The following PRKG2 variants were observed in gnomAD, a reference collection of about 807,000 sequenced individuals.
The protein encoded by PRKG2 is protein kinase cGMP-dependent 2.
Under a neutral mutation model 97.2 loss-of-function variants are expected in PRKG2, and 33 were observed. The ratio of observed to expected loss-of-function variants is 0.34; its 90% CI spans 0.26 to 0.45. The LOEUF (loss-of-function observed/expected upper bound fraction) is 0.45. PRKG2 is among the 20% of genes least tolerant of loss of function. The probability of loss-of-function intolerance (pLI) is 1.00; values close to 1 mark genes in which losing one functional copy is unlikely to be tolerated. For missense variants in PRKG2, 638 were observed against 900.0 expected (o/e 0.71, Z 3.73); for synonymous variants, 330 against 321.8 (o/e 1.03, Z -0.27).
At chr4:81,152,786 G>A (rs938876335) in intron 7 of PRKG2, among the ~76,000 whole-genome samples, 10 of 152,140 alleles carry the variant, frequency 6.6e-5, no homozygotes, top group African/African-American at 1.9e-4. Context: ...AAAGTATGGG[G>A]TCTAGGTTGG....
chr4:81,146,121 G>C (rs1046836198), intron 9 of PRKG2, among the ~76,000 whole-genome samples: 3 of 152,046 alleles, frequency 2.0e-5, no homozygotes, highest in Non-Finnish European at 2.9e-5. Flanking sequence ...CTGTTAAAAA[G>C]GAAACACTCT....
At chr4:81,165,467 G>GT (rs1749899902) in intron 6 of PRKG2, among the ~76,000 whole-genome samples, 1 of 152,128 alleles carries the variant, frequency 6.6e-6, no homozygotes, top group African/African-American at 2.4e-5. Context: ...AAATGATGCA[G>GT]TAGTGATTGG....
chr4:81,092,508 GGAAGGGAGAA>G, intron 17 of PRKG2, 56 bp from the exon 18 acceptor site: 4 of 1,045,342 alleles, frequency 3.8e-6, no homozygotes, highest in Non-Finnish European at 5.8e-6. Context: ...AAGGAAGGAA[GGAAGGGAGAA>G]AGAAAGAGAC....
rs139240433 is a variant in PRKG2, at chr4:81,128,851, T to G, written c.1776+6304A>C. ...CAGTTCTGTTCTGATCTTAGTTATT[T>G]CTTGTTTTCTACTAGCTTTTGAATT... On this transcript the variant is annotated intron_variant, in intron 14 of 18. Transcript: ENST00000264399. 3.7e-3 allele frequency among the ~76,000 whole-genome samples: 557 copies of G among 152,324 alleles called. 8 individuals are homozygous for G. The highest frequency in any genetic ancestry group is 0.027 in the Admixed American group (409 of 15,304).
rs192514816 is a variant in PRKG2, at chr4:81,177,017, C to T, written c.462-2058G>A. ...AGATAAGCTGGTATCCTTATCATCC[C>T]CTATATCTTTGCCTTAAGAGATGGA... On this transcript the variant is annotated intron_variant, in intron 2 of 18. Coordinates refer to ENST00000264399, the MANE Select transcript of PRKG2 (RefSeq NM_006259.3). Among the ~76,000 whole-genome samples, 575 of 152,180 alleles carry T rather than the reference C, an allele frequency of 3.8e-3. 5 individuals carry two copies. The highest frequency in any genetic ancestry group is 0.013 in the African/African-American group (542 of 41,522).
chr4:81,149,413 A>G lies in PRKG2; in HGVS notation c.1086-461T>C, dbSNP rs1259815540. Among the ~76,000 whole-genome samples the G allele has an allele frequency of 2.0e-5, 3 of 152,312 alleles. No homozygotes were observed. In the East Asian group the frequency reaches 5.8e-4, roughly 29 times the overall value. Reference sequence around the variant, plus strand: ...AGTAGTTTCAGTGCCATATCACCCAATTAATTAAATACTAAAATACTTTCA... The same window carrying G: ...AGTAGTTTCAGTGCCATATCACCCAGTTAATTAAATACTAAAATACTTTCA... On this transcript the variant is annotated intron_variant, in intron 8 of 18. Coordinates refer to ENST00000264399, the MANE Select transcript of PRKG2 (RefSeq NM_006259.3).
At chr4:81,141,773 T>G (rs1424402932) in intron 11 of PRKG2, among the ~76,000 whole-genome samples, 1 of 151,992 alleles carries the variant, frequency 6.6e-6, no homozygotes, top group East Asian at 1.9e-4. Flanking sequence ...GCCACAAACT[T>G]TGACGAAAAA....
chr4:81,147,981 A>C (rs1168867045), intron 9 of PRKG2, among the ~76,000 whole-genome samples: 1 of 152,106 alleles, frequency 6.6e-6, no homozygotes, highest in African/African-American at 2.4e-5. Context: ...ATCATTGTTT[A>C]ACTTGCATTA....
intron 14 of PRKG2, among the ~76,000 whole-genome samples, chr4:81,134,337 AT>A (rs1460273821): frequency 6.6e-6 from 1 of 152,174 alleles, no homozygotes; most frequent in Non-Finnish European, 1.5e-5. Flanking sequence ...AATGCGAGCT[AT>A]TTTTATTTCC....
chr4:81,120,661 TG>T (rs1430507132), intron 14 of PRKG2, among the ~76,000 whole-genome samples: 4 of 152,250 alleles, frequency 2.6e-5, no homozygotes, highest in African/African-American at 9.6e-5. Flanking sequence ...GCAACCTTGC[TG>T]TAAGTGCTTT....
At chr4:81,150,154 T>C (rs1485563660) in intron 8 of PRKG2, among the ~76,000 whole-genome samples, 2 of 152,102 alleles carry the variant, frequency 1.3e-5, no homozygotes, top group Admixed American at 1.3e-4. Context: ...GACATAGACA[T>C]AGACACAGAC....
chr4:81,184,343 C>T (rs558977241), intron 2 of PRKG2, among the ~76,000 whole-genome samples: 1 of 152,208 alleles, frequency 6.6e-6, no homozygotes, highest in Non-Finnish European at 1.5e-5. Context: ...CTGGTGATAC[C>T]CATGCAAACA....
At chr4:81,191,646 A>G (rs911412685) in intron 2 of PRKG2, among the ~76,000 whole-genome samples, 11 of 152,184 alleles carry the variant, frequency 7.2e-5, no homozygotes, top group African/African-American at 2.7e-4. Context: ...ATTGACCTAC[A>G]CATTCATAGA....
At chr4:81,139,109 A>AG (rs1230364068) in intron 12 of PRKG2, among the ~76,000 whole-genome samples, 1 of 152,194 alleles carries the variant, frequency 6.6e-6, no homozygotes, top group East Asian at 1.9e-4. Flanking sequence ...TGAATTCACA[A>AG]GGATAGAAAG....
intron 5 of PRKG2, among the ~76,000 whole-genome samples, chr4:81,168,361 T>C (rs1367167402): frequency 3.9e-5 from 6 of 152,232 alleles, no homozygotes; most frequent in African/African-American, 1.4e-4. Flanking sequence ...ATTAGTTGAA[T>C]GAAGGAAACA....
intron 2 of PRKG2, among the ~76,000 whole-genome samples, chr4:81,185,647 G>A (rs987094541): frequency 6.7e-6 from 1 of 149,220 alleles, no homozygotes. Context: ...ATGTAAATGG[G>A]CTAAATGCCC....
chr4:81,180,176 G>A (rs902367337), intron 2 of PRKG2, among the ~76,000 whole-genome samples: 1 of 151,926 alleles, frequency 6.6e-6, no homozygotes. Context: ...ATGAATGAAA[G>A]CTAACAAGGA....
intron 14 of PRKG2, among the ~76,000 whole-genome samples, chr4:81,117,322 T>C (rs1364330137): frequency 1.3e-5 from 2 of 152,086 alleles, no homozygotes; most frequent in Non-Finnish European, 2.9e-5. Context: ...GATTTAATCA[T>C]ATCACCTGGA....
At chr4:81,152,302 C>A (rs1321282730) in intron 7 of PRKG2, among the ~76,000 whole-genome samples, 1 of 152,174 alleles carries the variant, frequency 6.6e-6, no homozygotes, top group East Asian at 1.9e-4. Flanking sequence ...ACCATCTAAA[C>A]TCCACCTCCT....
Sources: allele counts gnomAD v4.1 joint callset (sites outside exome capture counted in the v4.1 genomes callset), GRCh38; gene constraint gnomAD v4.1.1; transcripts MANE v1.5; gene names NCBI Gene and HGNC (gene_info 2026-07-23, HGNC 2026-07-21).